The following FBXW11 variants were observed in gnomAD, a reference collection of about 807,000 sequenced individuals.
FBXW11 encodes F-box/WD repeat-containing protein 11.
FBXW11 carries 19 observed loss-of-function variants against 77.6 expected under a neutral mutation model. The ratio of observed to expected loss-of-function variants is 0.24; its 90% CI spans 0.17 to 0.36. The LOEUF is 0.36. FBXW11 is among the 10% of genes least tolerant of loss of function. The pLI is 1.00. For missense variants in FBXW11, 334 were observed against 704.2 expected (o/e 0.47, Z 5.95); for synonymous variants, 235 against 249.4 (o/e 0.94, Z 0.54).
At chr5:171,921,706 T>C (rs924959173) in intron 2 of FBXW11, among the ~76,000 whole-genome samples, 6 of 152,298 alleles carry the variant, frequency 3.9e-5, no homozygotes, top group African/African-American at 4.8e-5. Context: ...GAGCAATATT[T>C]ACATTTTAAA....
At position 171,957,682 on chromosome 5, in the gene FBXW11, G is replaced by C; in HGVS notation, c.62C>G (p.Ser21Cys). 1.2e-6 allele frequency: 2 copies of C among 1,614,132 alleles called. No individual in the cohort carries two copies. The highest frequency in any genetic ancestry group is 1.7e-6 in the Non-Finnish European group (2 of 1,179,986). ...CAGGTTGGCGCAGCCTAGCCACAAAGACCTTGGCACAGAACACTGCAGGAT... is the reference window on the plus strand; with the variant it reads ...CAGGTTGGCGCAGCCTAGCCACAAACACCTTGGCACAGAACACTGCAGGAT... ...TIELMCSVPR[S>C]LWLGCANLVE... The change falls in exon 2 of 14, where the codon TCT becomes TGT. Residue 21 changes from serine to cysteine, a missense_variant. This residue lies in a region of FBXW11 where 80 missense variants were observed against 105.1 expected (regional missense o/e 0.76). Coordinates refer to ENST00000517395, the MANE Select transcript of FBXW11 (RefSeq NM_001378974.1).
chr5:171,899,225 G>C lies in FBXW11; in HGVS notation c.624-131C>G. ...ATTGAGTTTTAACAGTTCAAAAGCA[G>C]GATTTCTGACAAATTTACATGTTAC... is the stretch of plus-strand genomic sequence containing the variant. On this transcript the variant is annotated intron_variant, in intron 5 of 13. Transcript: ENST00000517395. The C allele has an allele frequency of 6.9e-6, 4 of 579,690 alleles. No individual in the cohort carries two copies. In the East Asian group the frequency reaches 9.2e-5, roughly 13 times the overall value. The allele number at this position is 579,690 out of a possible 1,614,324, so 35.9% of individuals were successfully genotyped here.
chr5:171,924,958 C>T (rs1035554151), intron 2 of FBXW11, among the ~76,000 whole-genome samples: 1 of 152,166 alleles, frequency 6.6e-6, no homozygotes, highest in African/African-American at 2.4e-5. Flanking sequence ...GATGCCGGTG[C>T]CCAAGGCAGA....
At chr5:171,905,090 T>C (rs754605146) in intron 4 of FBXW11, among the ~76,000 whole-genome samples, 3 of 152,236 alleles carry the variant, frequency 2.0e-5, no homozygotes, top group East Asian at 1.9e-4. Flanking sequence ...GTGATATCTA[T>C]GAGATTTGAC....
chr5:171,903,179 C>T (rs906698817), intron 4 of FBXW11, among the ~76,000 whole-genome samples: 3 of 152,184 alleles, frequency 2.0e-5, no homozygotes, highest in African/African-American at 4.8e-5. Context: ...TCACTGCCAC[C>T]TCAAACTCCT....
chr5:171,876,478 GC>G lies in FBXW11; in HGVS notation c.1027del (p.Ala343LeufsTer11). 2 of 1,614,160 alleles carry G rather than the reference GC, an allele frequency of 1.2e-6. No homozygotes were observed. Among genetic ancestry groups the G allele is most frequent in the Non-Finnish European group, 1.7e-6 (2 of 1,180,032 alleles). ...VLNTLIHHNE[A>X]VLHLRFSNGL... is the part of the protein sequence containing the mutation. ...ATTGCTGAAGCGTAAGTGCAATACA[GC>G]CTCATTGTGGTGGATCAATGTGTTA... On this transcript the variant is annotated frameshift_variant, in exon 9 of 14. Coordinates refer to ENST00000517395, the MANE Select transcript of FBXW11 (RefSeq NM_001378974.1). LOFTEE classifies it high-confidence loss of function. This position sits in a 1 kb window ranked among gnomAD's most constrained non-coding sequence, Gnocchi z 4.2.
At chr5:171,934,976 T>C (rs1273890601) in intron 2 of FBXW11, among the ~76,000 whole-genome samples, 1 of 152,218 alleles carries the variant, frequency 6.6e-6, no homozygotes, top group Non-Finnish European at 1.5e-5. Context: ...GTTTTGTTTT[T>C]GAGACGGAGT....
Position 171,877,926 on chromosome 5 carries a change from T to C in FBXW11, c.971+85A>G, listed in dbSNP as rs1484802453. On this transcript the variant is annotated intron_variant, in intron 8 of 13. Coordinates refer to ENST00000517395, the MANE Select transcript of FBXW11 (RefSeq NM_001378974.1). ...CAGCATGTAAAAATGTAAGTTTGTG[T>C]ATGCCTCTCCCAGAGGAGGATGTCA... is the stretch of plus-strand genomic sequence containing the variant. The C allele has an allele frequency of 1.3e-5, 12 of 951,974 alleles. No homozygotes were observed. In the South Asian group the frequency reaches 1.3e-4, roughly 10 times the overall value. 59.0% of individuals were successfully genotyped at this position (951,974 alleles called of 1,614,324 possible). A position where few individuals can be genotyped will look rare whatever the true frequency, so the allele number is the denominator to read the frequency against.
intron 1 of FBXW11, among the ~76,000 whole-genome samples, chr5:171,982,269 T>A (rs983811544): frequency 1.3e-5 from 2 of 152,080 alleles, no homozygotes; most frequent in Non-Finnish European, 2.9e-5. Flanking sequence ...TTATTTTTAT[T>A]TATTTATTTA....
intron 1 of FBXW11, among the ~76,000 whole-genome samples, chr5:171,990,652 A>C (rs1765686510): frequency 6.6e-6 from 1 of 152,156 alleles, no homozygotes; most frequent in South Asian, 2.1e-4. Context: ...AAATTAAATT[A>C]TCTCCTCAAA....
intron 1 of FBXW11, among the ~76,000 whole-genome samples, chr5:171,992,192 G>C (rs1306988019): frequency 1.3e-5 from 2 of 151,644 alleles, no homozygotes; most frequent in Non-Finnish European, 2.9e-5. Flanking sequence ...CACTTTTGGA[G>C]GCCAAGGCAG....
At chr5:171,953,331 G>T (rs962411319) in intron 2 of FBXW11, among the ~76,000 whole-genome samples, 2 of 152,126 alleles carry the variant, frequency 1.3e-5, no homozygotes, top group Non-Finnish European at 2.9e-5. Context: ...AAATACTACA[G>T]ATTCTACCAC....
intron 2 of FBXW11, among the ~76,000 whole-genome samples, chr5:171,937,267 A>G (rs928276515): frequency 6.6e-6 from 1 of 152,224 alleles, no homozygotes; most frequent in Non-Finnish European, 1.5e-5. Flanking sequence ...AAAAAAAGAA[A>G]AGTGGGGAAT....
intron 2 of FBXW11, among the ~76,000 whole-genome samples, chr5:171,923,358 C>G (rs1450243353): frequency 6.6e-6 from 1 of 152,188 alleles, no homozygotes; most frequent in Admixed American, 6.5e-5. Context: ...TTTTCATTCT[C>G]TTAATGGTGT....
In FBXW11 at chr5:171,904,714, G is replaced by A. The variant is rs1394963923; in HGVS notation, c.437-4614C>T. Reference sequence around the variant, plus strand: ...AGCCTCCCGAGTAGCTGGGACTACAGGCGCACACCACCATGCCCAGGTAAT... The same window carrying A: ...AGCCTCCCGAGTAGCTGGGACTACAAGCGCACACCACCATGCCCAGGTAAT... On this transcript the variant is annotated intron_variant, in intron 4 of 13. Coordinates refer to ENST00000517395, the MANE Select transcript of FBXW11 (RefSeq NM_001378974.1). This position sits in a 1 kb window ranked among gnomAD's most constrained non-coding sequence, Gnocchi z 4.0. Among the ~76,000 whole-genome samples, 2 of 152,044 alleles carry A rather than the reference G, an allele frequency of 1.3e-5. No individual in the cohort carries two copies. Among genetic ancestry groups the A allele is most frequent in the Non-Finnish European group, 2.9e-5 (2 of 68,000 alleles).
At chr5:171,893,070 T>C (rs918483760) in intron 6 of FBXW11, among the ~76,000 whole-genome samples, 1 of 152,164 alleles carries the variant, frequency 6.6e-6, no homozygotes. Flanking sequence ...GCTAATTTAA[T>C]CGTGACTCTG....
intron 2 of FBXW11, among the ~76,000 whole-genome samples, chr5:171,937,582 T>C (rs1170996684): frequency 6.6e-6 from 1 of 152,110 alleles, no homozygotes; most frequent in African/African-American, 2.4e-5. Flanking sequence ...ACACCTGTAA[T>C]CCCAGCATTT....
chr5:171,864,677 G>A (rs1033365164), intron 13 of FBXW11, among the ~76,000 whole-genome samples: 1 of 152,032 alleles, frequency 6.6e-6, no homozygotes, highest in African/African-American at 2.4e-5. Flanking sequence ...AACAGTATGG[G>A]GGAAAGGCCA....
intron 2 of FBXW11, among the ~76,000 whole-genome samples, chr5:171,927,319 T>C (rs2114016774): frequency 6.6e-6 from 1 of 152,272 alleles, no homozygotes; most frequent in Middle Eastern, 3.4e-3. Context: ...ACAATATACC[T>C]CAATTCTTTC....
Sources: gnomAD v4.1 joint callset for allele counts (sites outside exome capture counted in the v4.1 genomes callset) on GRCh38, gnomAD v4.1.1 for gene constraint, gnomAD v4.1.1 regional missense constraint, Gnocchi (gnomAD v3.1) non-coding constraint, MANE v1.5 for transcripts, NCBI Gene and HGNC (gene_info 2026-07-23, HGNC 2026-07-21) for gene names.